The following TOPBP1 variants were observed in gnomAD, a reference collection of about 807,000 sequenced individuals.
TOPBP1 encodes the protein DNA topoisomerase II binding protein 1, also known as DNA topoisomerase 2-binding protein 1.
Under a neutral mutation model 167.7 loss-of-function variants are expected in TOPBP1, and 28 were observed. That is an observed-to-expected ratio of 0.17 (90% CI 0.12 to 0.23). The LOEUF is 0.23. Ranked by LOEUF, TOPBP1 falls within the 10% of genes least tolerant of loss-of-function variation. The pLI, the probability that TOPBP1 is intolerant of heterozygous loss-of-function variation, is 1.00. For missense variants in TOPBP1, 1,554 were observed against 1,809.6 expected (o/e 0.86, Z 2.56); for synonymous variants, 598 against 611.4 (o/e 0.98, Z 0.32).
At chr3:133,629,581 A>G (rs1254329069) in intron 14 of TOPBP1, among the ~76,000 whole-genome samples, 2 of 152,222 alleles carry the variant, frequency 1.3e-5, no homozygotes, top group African/African-American at 4.8e-5. Context: ...AACTAAAAAA[A>G]CAAGACCAAC....
In TOPBP1 at chr3:133,628,334, C is replaced by CCA. The variant is rs777327317; in HGVS notation, c.2804+26_2804+27dup. 7 of 1,559,542 alleles carry CCA rather than the reference C, an allele frequency of 4.5e-6. No homozygotes were observed. The South Asian group carries it at 8.2e-5, about 18-fold the overall frequency. ...TTCCTTATAAATTTCAGTCATATCACCATGAAACAGAAAGATGTGCCAACT... is the reference window on the plus strand; with the variant it reads ...TTCCTTATAAATTTCAGTCATATCACCACATGAAACAGAAAGATGTGCCAACT... On this transcript the variant is annotated intron_variant, in intron 16 of 27. Transcript: ENST00000260810.
chr3:133,615,832 C>T (rs891074070), intron 23 of TOPBP1, among the ~76,000 whole-genome samples: 1 of 152,002 alleles, frequency 6.6e-6, no homozygotes, highest in Admixed American at 6.6e-5. Flanking sequence ...GTCTTGAATT[C>T]CTAGGCTCAA....
At chr3:133,618,486 A>G in intron 20 of TOPBP1, 53 bp from the exon 21 acceptor site, 1 of 1,550,898 alleles carries the variant, frequency 6.4e-7, no homozygotes, top group Non-Finnish European at 8.9e-7. Flanking sequence ...ATCCAAACTC[A>G]TTAAATCCAT....
intron 8 of TOPBP1, among the ~76,000 whole-genome samples, chr3:133,651,628 G>A (rs1936309299): frequency 6.6e-6 from 1 of 152,162 alleles, no homozygotes; most frequent in Admixed American, 6.6e-5. Flanking sequence ...AGCATATGCT[G>A]TTTCCATCAA....
chr3:133,620,484 G>T, intron 19 of TOPBP1, 137 bp from the exon 20 acceptor site: 2 of 834,044 alleles, frequency 2.4e-6, no homozygotes, highest in Non-Finnish European at 3.6e-6. Context: ...ACAGGCTATA[G>T]TAATGTACTA....
rs1936338843 is a variant in TOPBP1, at chr3:133,652,472, A to G, written c.1080T>C (p.Asp360=). The change falls in exon 8 of 28, where the codon GAT becomes GAC. Residue 360 remains aspartate, a synonymous_variant. Transcript: ENST00000260810. ...SAFQAPEDLL[D]GCRIYLCGFS... is the part of the protein sequence containing the mutation. Reference sequence around the variant, plus strand: ...TATAATAAAGACGTACCCGACAACCATCTAATAAATCTTCAGGTGCTTGAA... The same window carrying G: ...TATAATAAAGACGTACCCGACAACCGTCTAATAAATCTTCAGGTGCTTGAA... The G allele has an allele frequency of 6.2e-7, 1 of 1,611,616 alleles. No homozygotes were observed. Among genetic ancestry groups the G allele is most frequent in the African/African-American group, 1.3e-5 (1 of 74,858 alleles).
chr3:133,604,595 T>C (rs959328914), intron 27 of TOPBP1, among the ~76,000 whole-genome samples: 1 of 151,804 alleles, frequency 6.6e-6, no homozygotes, highest in Non-Finnish European at 1.5e-5. Flanking sequence ...CTGTATCTAG[T>C]AAAGAAAATT....
At chr3:133,646,341 T>A (rs1392395658) in intron 10 of TOPBP1, among the ~76,000 whole-genome samples, 1 of 151,986 alleles carries the variant, frequency 6.6e-6, no homozygotes, top group African/African-American at 2.4e-5. Flanking sequence ...CAAGTACCCT[T>A]GGCTGAAGGA....
rs954942576 is a variant in TOPBP1, at chr3:133,606,547, T to C, written c.4425+1988A>G. 3.4e-5 allele frequency among the ~76,000 whole-genome samples: 5 copies of C among 146,016 alleles called. No individual in the cohort carries two copies. In the South Asian group the frequency reaches 8.7e-4, roughly 25 times the overall value. ...ACTAACAAGCTGAGTCTAAAGTCCATATGGAAATGCAAAGGACATGGAACA... is the reference window on the plus strand; with the variant it reads ...ACTAACAAGCTGAGTCTAAAGTCCACATGGAAATGCAAAGGACATGGAACA... On this transcript the variant is annotated intron_variant, in intron 27 of 27. Transcript: ENST00000260810.
At chr3:133,613,409 T>C (rs1934748181) in intron 23 of TOPBP1, among the ~76,000 whole-genome samples, 1 of 152,220 alleles carries the variant, frequency 6.6e-6, no homozygotes, top group African/African-American at 2.4e-5. Flanking sequence ...AGCCACACGC[T>C]GTAGTTGGTT....
intron 8 of TOPBP1, among the ~76,000 whole-genome samples, chr3:133,651,208 T>C (rs1158549454): frequency 7.5e-6 from 1 of 132,564 alleles, no homozygotes; most frequent in African/African-American, 2.8e-5. Context: ...AATTTTGAGA[T>C]GGAGTTTCAC....
chr3:133,649,292 A>C, intron 10 of TOPBP1, 91 bp downstream of exon 10: 1 of 1,453,920 alleles, frequency 6.9e-7, no homozygotes, highest in Non-Finnish European at 9.1e-7. Context: ...TTAACTTAAA[A>C]TCTAGAAAAC....
At chr3:133,653,241 A>C (rs1936361349) in intron 7 of TOPBP1, 104 bp downstream of exon 7, 5 of 1,148,790 alleles carry the variant, frequency 4.4e-6, no homozygotes, top group Middle Eastern at 5.1e-4. Context: ...CACAGCAAAC[A>C]AGAAAAAGAA....
intron 14 of TOPBP1, among the ~76,000 whole-genome samples, chr3:133,632,010 G>A (rs1274921953): frequency 6.6e-6 from 1 of 152,102 alleles, no homozygotes; most frequent in East Asian, 1.9e-4. Flanking sequence ...CATGAAAGAC[G>A]TGCTCACTTC....
intron 25 of TOPBP1, among the ~76,000 whole-genome samples, chr3:133,609,767 G>C (rs1934612039): frequency 6.6e-6 from 1 of 152,206 alleles, no homozygotes; most frequent in Non-Finnish European, 1.5e-5. Flanking sequence ...ATGTGGAACT[G>C]TGAGTCAATT....
In TOPBP1 at chr3:133,649,890, A is replaced by T. The variant is rs749743222; in HGVS notation, c.1143T>A (p.Ile381=). The T allele has an allele frequency of 2.2e-5, 35 of 1,611,144 alleles. No individual in the cohort carries two copies. In the Middle Eastern group the frequency reaches 4.9e-4, roughly 23 times the overall value. The change falls in exon 9 of 28, where the codon ATT becomes ATA. Residue 381 remains isoleucine (I), a synonymous_variant. Coordinates refer to ENST00000260810, the MANE Select transcript of TOPBP1 (RefSeq NM_007027.4). ...TAAAACGAACTCCACCTCCACTGTT[A>T]ATAAGTCTTCTCAGTTTATCTAGCT... The part of the protein sequence containing the change: ...GRKLDKLRRL[I]NSGGGVRFNQ...
intron 14 of TOPBP1, among the ~76,000 whole-genome samples, chr3:133,632,268 G>T (rs1360626033): frequency 6.6e-6 from 1 of 151,968 alleles, no homozygotes; most frequent in East Asian, 2.0e-4. Context: ...AGCCGGGTGT[G>T]GGGGTAGGCG....
intron 10 of TOPBP1, 91 bp from the exon 11 acceptor site, chr3:133,644,454 T>C (rs933476650): frequency 2.3e-5 from 28 of 1,213,398 alleles, no homozygotes; most frequent in Middle Eastern, 4.1e-4. Context: ...TGGAATCTGA[T>C]AATTTTGACC....
At chr3:133,639,317 T>C (rs1183084106) in intron 13 of TOPBP1, among the ~76,000 whole-genome samples, 1 of 152,116 alleles carries the variant, frequency 6.6e-6, no homozygotes, top group Non-Finnish European at 1.5e-5. Flanking sequence ...TGTCGGGACA[T>C]GGATGAAGCT....
Sources: gnomAD v4.1 joint callset for allele counts (sites outside exome capture counted in the v4.1 genomes callset) on GRCh38, gnomAD v4.1.1 for gene constraint, MANE v1.5 for transcripts, NCBI Gene and HGNC (gene_info 2026-07-23, HGNC 2026-07-21) for gene names.